The following NAT2 variants were observed in gnomAD, a reference collection of about 807,000 sequenced individuals.
NAT2 encodes the protein arylamine N-acetyltransferase 2.
For synonymous variants in NAT2, 137 were observed against 125.9 expected (o/e 1.09, Z -0.59); for missense variants, 428 against 339.1 (o/e 1.26, Z -2.06).
chr8:18,396,407 A>G (rs1800690937), intron 1 of NAT2, among the ~76,000 whole-genome samples: 1 of 152,166 alleles, frequency 6.6e-6, no homozygotes. Flanking sequence ...ACTTAAAACA[A>G]TCTTTAAAAT....
chr8:18,386,525 A>G (rs1000682471), upstream of NAT2, among the ~76,000 whole-genome samples: 1 of 152,172 alleles, frequency 6.6e-6, no homozygotes, highest in Non-Finnish European at 1.5e-5. Context: ...TCCCGGACAC[A>G]CGGTGCCTGG....
intron 1 of NAT2, among the ~76,000 whole-genome samples, chr8:18,392,084 A>G (rs1800600406): frequency 6.6e-6 from 1 of 152,238 alleles, no homozygotes; most frequent in Non-Finnish European, 1.5e-5. Context: ...TGGGGGCCAT[A>G]GGCTGTTGGC....
upstream of NAT2, among the ~76,000 whole-genome samples, chr8:18,386,769 A>G (rs969254045): frequency 3.9e-5 from 6 of 151,992 alleles, no homozygotes; most frequent in African/African-American, 1.2e-4. Flanking sequence ...ACCTCTGGGA[A>G]GCTCTCAGGC....
At chr8:18,396,436 T>C (rs1392164614) in intron 1 of NAT2, among the ~76,000 whole-genome samples, 1 of 152,178 alleles carries the variant, frequency 6.6e-6, no homozygotes, top group African/African-American at 2.4e-5. Context: ...TTTTTTTTTG[T>C]TCTTTTGAGA....
upstream of NAT2, among the ~76,000 whole-genome samples, chr8:18,389,158 G>C (rs1165005160): frequency 1.3e-5 from 2 of 152,172 alleles, no homozygotes; most frequent in Non-Finnish European, 2.9e-5. Context: ...AATTACACAT[G>C]TGCCAATCTG....
intron 1 of NAT2, among the ~76,000 whole-genome samples, chr8:18,398,152 C>CT (rs1800723830): frequency 6.6e-6 from 1 of 152,136 alleles, no homozygotes; most frequent in Non-Finnish European, 1.5e-5. Flanking sequence ...CCTTTTTATG[C>CT]TTAGGTGCGA....
At chr8:18,389,750 C>T (rs982330597), upstream of NAT2, among the ~76,000 whole-genome samples, 16 of 152,122 alleles carry the variant, frequency 1.1e-4, no homozygotes, top group Non-Finnish European at 1.9e-4. Context: ...TGTCTAGAAA[C>T]GCATTCATCA....
chr8:18,393,001 G>C (rs1290159185), intron 1 of NAT2, among the ~76,000 whole-genome samples: 1 of 152,018 alleles, frequency 6.6e-6, no homozygotes, highest in Non-Finnish European at 1.5e-5. Flanking sequence ...AAACAGGAGA[G>C]GGTATGGCTG....
chr8:18,393,671 T>A (rs1233914788), intron 1 of NAT2, among the ~76,000 whole-genome samples: 1 of 152,186 alleles, frequency 6.6e-6, no homozygotes, highest in African/African-American at 2.4e-5. Context: ...AAGTTACTGT[T>A]ATTTTCTCCT....
chr8:18,394,614 T>C (rs948119290), intron 1 of NAT2, among the ~76,000 whole-genome samples: 5 of 147,410 alleles, frequency 3.4e-5, no homozygotes, highest in Non-Finnish European at 6.1e-5. Flanking sequence ...AAGTTGGGGT[T>C]CCTGGGCCTG....
chr8:18,394,612 G>T (rs567384072), intron 1 of NAT2, among the ~76,000 whole-genome samples: 51 of 148,770 alleles, frequency 3.4e-4, no homozygotes, highest in African/African-American at 1.2e-3. Context: ...ATAAGTTGGG[G>T]TTCCTGGGCC....
Position 18,400,271 on chromosome 8 carries a change from G to A in NAT2, c.268G>A (p.Gly90Arg), listed in dbSNP as rs759840221. ...AATCGGTTTTCAGACCACAATGTTA[G>A]GAGGGTATTTTTACATCCCTCCAGT... The part of the protein sequence containing the change: ...TTIGFQTTML[G>R]GYFYIPPVNK... The change falls in exon 2 of 2, where the codon GGA becomes AGA. Residue 90 changes from glycine to arginine, a missense_variant. Physicochemically the swap from Gly to Arg is moderately radical, Grantham distance 125 (BLOSUM62 -2). Transcript: ENST00000286479. 5 of 1,613,342 alleles carry A rather than the reference G, an allele frequency of 3.1e-6. No individual in the cohort carries two copies. The highest frequency in any genetic ancestry group is 1.3e-5 in the African/African-American group (1 of 74,862).
Position 18,400,146 on chromosome 8 carries a change from T to C in NAT2, c.143T>C (p.Met48Thr). The C allele has an allele frequency of 3.1e-6, 5 of 1,614,016 alleles. No individual in the cohort carries two copies. Among genetic ancestry groups the C allele is most frequent in the Non-Finnish European group, 4.2e-6 (5 of 1,179,946 alleles). The change falls in exon 2 of 2, where the codon ATG (methionine) becomes ACG (threonine). Residue 48 changes from methionine to threonine, a missense_variant. Met to Thr is a moderately conservative substitution (Grantham distance 81). Coordinates refer to ENST00000286479, the MANE Select transcript of NAT2 (RefSeq NM_000015.3). ...CTTAACATGCATTGTGGGCAAGCCATGGAGTTGGGCTTAGAGGCTATTTTT... is the reference window on the plus strand; with the variant it reads ...CTTAACATGCATTGTGGGCAAGCCACGGAGTTGGGCTTAGAGGCTATTTTT... Reference protein sequence around the residue: ...ENLNMHCGQAMELGLEAIFDH... With the variant: ...ENLNMHCGQATELGLEAIFDH...
upstream of NAT2, among the ~76,000 whole-genome samples, chr8:18,386,439 G>A (rs892073081): frequency 3.9e-5 from 6 of 152,026 alleles, no homozygotes; most frequent in African/African-American, 1.5e-4. Flanking sequence ...AATGCGGCCC[G>A]GGCTACTAAG....
rs1800782696 is a variant in NAT2, at chr8:18,400,926, T to C, written c.*50T>C. 1 of 1,397,122 alleles carries C rather than the reference T, an allele frequency of 7.2e-7. No individual in the cohort carries two copies. Among genetic ancestry groups the C allele is most frequent in the African/African-American group, 1.4e-5 (1 of 69,172 alleles). The allele number at this position is 1,397,122 out of a possible 1,614,324, so 86.5% of individuals were successfully genotyped here. ...TGTATGTATCACCCAACTCACTAAT[T>C]ATCAACTTATGTGCTATCAGATATC... On this transcript the variant is annotated 3_prime_UTR_variant, in exon 2 of 2. Coordinates refer to ENST00000286479, the MANE Select transcript of NAT2 (RefSeq NM_000015.3).
intron 1 of NAT2, among the ~76,000 whole-genome samples, chr8:18,398,293 C>T (rs568369987): frequency 2.0e-5 from 3 of 152,200 alleles, no homozygotes; most frequent in Non-Finnish European, 4.4e-5. Flanking sequence ...CTCCTTCCTT[C>T]TGGGTATAGG....
chr8:18,394,280 G>A (rs572962960), intron 1 of NAT2, among the ~76,000 whole-genome samples: 6 of 152,140 alleles, frequency 3.9e-5, no homozygotes, highest in Non-Finnish European at 8.8e-5. Flanking sequence ...AGTAAGGCAG[G>A]AACCGGCCAT....
At chr8:18,386,582 C>A (rs1184248067), upstream of NAT2, among the ~76,000 whole-genome samples, 1 of 152,188 alleles carries the variant, frequency 6.6e-6, no homozygotes, top group Non-Finnish European at 1.5e-5. Context: ...ACACCCCACC[C>A]CGGGGTTGTC....
At chr8:18,394,495 G>A (rs563310606) in intron 1 of NAT2, among the ~76,000 whole-genome samples, 2 of 152,178 alleles carry the variant, frequency 1.3e-5, no homozygotes, top group South Asian at 4.2e-4. Context: ...TTTTTGTAAA[G>A]AATCTCATAT....
Sources: gnomAD v4.1 joint callset for allele counts (sites outside exome capture counted in the v4.1 genomes callset) on GRCh38, gnomAD v4.1.1 for gene constraint, MANE v1.5 for transcripts, NCBI Gene and HGNC (gene_info 2026-07-23, HGNC 2026-07-21) for gene names.